Variants in PTPRZ1 observed in about 807,000 individuals in gnomAD.
PTPRZ1 encodes the protein receptor-type tyrosine-protein phosphatase zeta.
Under a neutral mutation model 214.1 loss-of-function variants are expected in PTPRZ1, and 82 were observed. The ratio of observed to expected loss-of-function variants is 0.38; its 90% CI spans 0.32 to 0.46. The LOEUF (loss-of-function observed/expected upper bound fraction) is 0.46, where lower values mean the gene tolerates loss of function less well. Ranked by LOEUF, PTPRZ1 falls within the 20% of genes least tolerant of loss-of-function variation. The pLI is 1.00. For missense variants in PTPRZ1, 2,603 were observed against 2,748.7 expected (o/e 0.95, Z 1.19); for synonymous variants, 945 against 987.9 (o/e 0.96, Z 0.81).
chr7:121,954,088 CTA>C (rs1054585233), intron 2 of PTPRZ1, among the ~76,000 whole-genome samples: 3 of 152,154 alleles, frequency 2.0e-5, no homozygotes, highest in African/African-American at 7.2e-5. Context: ...TTTCTCAAAT[CTA>C]TCTTTCTTCT....
chr7:121,976,702 G>A (rs528285936), intron 5 of PTPRZ1, 83 bp from the exon 6 acceptor site: 519 of 1,099,662 alleles, frequency 4.7e-4, no homozygotes, highest in Non-Finnish European at 6.1e-4. Flanking sequence ...TATTTAAAAT[G>A]GAATTCATTA....
chr7:122,001,758 CAT>C (rs1313555094), intron 10 of PTPRZ1, among the ~76,000 whole-genome samples: 1 of 152,128 alleles, frequency 6.6e-6, no homozygotes, highest in African/African-American at 2.4e-5. Flanking sequence ...TTTAACATTA[CAT>C]GTGTCCCAAA....
intron 2 of PTPRZ1, among the ~76,000 whole-genome samples, chr7:121,954,102 A>G (rs1313182062): frequency 6.6e-6 from 1 of 152,176 alleles, no homozygotes; most frequent in Non-Finnish European, 1.5e-5. Flanking sequence ...CTTTCTTCTT[A>G]TCTCTGCCCT....
Position 122,035,065 on chromosome 7 carries a change from C to T in PTPRZ1, c.5284+687C>T, listed in dbSNP as rs527636835. On this transcript the variant is annotated intron_variant, in intron 17 of 29. Transcript: ENST00000393386. ...TCTCCTAAAATTCATCTTCGTGCTC[C>T]CTCCCCACTCCAAAAACAAACAAAC... is the stretch of plus-strand genomic sequence containing the variant. Among the ~76,000 whole-genome samples, 3 of 152,066 alleles carry T rather than the reference C, an allele frequency of 2.0e-5. No individual in the cohort carries two copies. The South Asian group carries it at 6.2e-4, about 32-fold the overall frequency.
At chr7:122,018,559 A>C (rs1798915559) in intron 12 of PTPRZ1, among the ~76,000 whole-genome samples, 1 of 151,994 alleles carries the variant, frequency 6.6e-6, no homozygotes, top group South Asian at 2.1e-4. Context: ...AAGAACATTC[A>C]AAATAACATT....
intron 8 of PTPRZ1, among the ~76,000 whole-genome samples, chr7:121,992,032 A>C (rs1354951993): frequency 6.6e-6 from 1 of 152,212 alleles, no homozygotes; most frequent in Non-Finnish European, 1.5e-5. Flanking sequence ...TGTATTTACG[A>C]AGCACTTTTG....
chr7:121,971,017 A>G (rs574848995), intron 3 of PTPRZ1, among the ~76,000 whole-genome samples: 1 of 152,312 alleles, frequency 6.6e-6, no homozygotes, highest in African/African-American at 2.4e-5. Context: ...AGCTTTCTAC[A>G]TATGGCTAGC....
In PTPRZ1 at chr7:122,011,876, T is replaced by C. The variant is rs574865928; in HGVS notation, c.2830T>C (p.Tyr944His). Residue 944 changes from tyrosine to histidine, a missense_variant, in exon 12 of 30, where the codon TAC becomes CAC. By Grantham distance (83) the Tyr-to-His change is moderately conservative. Transcript: ENST00000393386. ...CTCCCAACACATCTTCACTGTTTCT[T>C]ACAGTTCTGCAATACCTGTGCATGA... ...EGSQHIFTVS[Y>H]SSAIPVHDSV... 59 of 1,614,102 alleles carry C rather than the reference T, an allele frequency of 3.7e-5. No homozygotes were observed. The South Asian group carries it at 5.4e-4, about 15-fold the overall frequency.
At chr7:121,901,575 A>G (rs540443704) in intron 1 of PTPRZ1, among the ~76,000 whole-genome samples, 2 of 152,298 alleles carry the variant, frequency 1.3e-5, no homozygotes, top group Middle Eastern at 3.4e-3. Flanking sequence ...TTGATATTTT[A>G]TTACAGATTA....
In PTPRZ1 at chr7:121,984,073, A is replaced by G. The variant is rs761363521; in HGVS notation, c.884A>G (p.Gln295Arg). 3 of 1,613,668 alleles carry G rather than the reference A, an allele frequency of 1.9e-6. No homozygotes were observed. The highest frequency in any genetic ancestry group is 1.7e-4 in the Middle Eastern group (1 of 6,058). The part of the protein sequence containing the change: ...FREQQYKFSR[Q>R]VFSSYTGKEE... ...GAGCAACAGTACAAGTTCTCTAGACAGGTGTTTTCCTCATACACTGGAAAG... is the reference window on the plus strand; with the variant it reads ...GAGCAACAGTACAAGTTCTCTAGACGGGTGTTTTCCTCATACACTGGAAAG... The change falls in exon 8 of 30, where the codon CAG (glutamine) becomes CGG (arginine). Residue 295 changes from glutamine (Q) to arginine (R), a missense_variant. This residue lies in a region of PTPRZ1 where 244 missense variants were observed against 333.2 expected (regional missense o/e 0.73). Coordinates refer to ENST00000393386, the MANE Select transcript of PTPRZ1 (RefSeq NM_002851.3).
At chr7:121,972,162 T>TC (rs372574321) in intron 3 of PTPRZ1, among the ~76,000 whole-genome samples, 1,222 of 43,408 alleles carry the variant, frequency 0.028, 30 homozygotes, top group Non-Finnish European at 0.015. Flanking sequence ...AGAAGACTTA[T>TC]TTTTTTTTTT....
In PTPRZ1 at chr7:122,014,165, T is replaced by C. The variant is rs976881446; in HGVS notation, c.4843+276T>C. ...ATATTTCATACTCTACAGGATGTCTTTTATGGGTGGGGGCAATTCTGTTTG... is the reference window on the plus strand; with the variant it reads ...ATATTTCATACTCTACAGGATGTCTCTTATGGGTGGGGGCAATTCTGTTTG... On this transcript the variant is annotated intron_variant, in intron 12 of 29. Transcript: ENST00000393386. 3.3e-5 allele frequency among the ~76,000 whole-genome samples: 5 copies of C among 152,154 alleles called. No individual in the cohort carries two copies. In the East Asian group the frequency reaches 7.7e-4, roughly 23 times the overall value.
At chr7:122,043,500 A>G (rs1397539379) in intron 22 of PTPRZ1, among the ~76,000 whole-genome samples, 2 of 152,218 alleles carry the variant, frequency 1.3e-5, no homozygotes, top group Non-Finnish European at 2.9e-5. Flanking sequence ...GCAAATCTGC[A>G]TTTTATCTTC....
At chr7:121,903,966 T>TCTCACA (rs1554427276) in intron 1 of PTPRZ1, among the ~76,000 whole-genome samples, 2 of 123,846 alleles carry the variant, frequency 1.6e-5, no homozygotes, top group Admixed American at 7.7e-5. Flanking sequence ...TCTTTAAATC[T>TCTCACA]CACACACACA....
At chr7:121,979,735 A>G (rs960539820) in intron 6 of PTPRZ1, among the ~76,000 whole-genome samples, 5 of 152,240 alleles carry the variant, frequency 3.3e-5, no homozygotes, top group Non-Finnish European at 7.3e-5. Flanking sequence ...CCCCAAATAG[A>G]GCAGCACTGG....
chr7:122,024,312 T>C (rs1211649940), intron 13 of PTPRZ1, among the ~76,000 whole-genome samples: 1 of 151,914 alleles, frequency 6.6e-6, no homozygotes, highest in Non-Finnish European at 1.5e-5. Flanking sequence ...ACCAAAGGTA[T>C]ACCCAACCAA....
intron 27 of PTPRZ1, among the ~76,000 whole-genome samples, chr7:122,057,347 T>C (rs1053431678): frequency 6.6e-5 from 10 of 151,906 alleles, no homozygotes; most frequent in Non-Finnish European, 1.5e-4. Context: ...AAATGAAGTT[T>C]TCAACATAAC....
At chr7:121,919,725 T>C (rs995560495) in intron 1 of PTPRZ1, among the ~76,000 whole-genome samples, 20 of 152,140 alleles carry the variant, frequency 1.3e-4, no homozygotes, top group African/African-American at 4.6e-4. Flanking sequence ...CCTTATCTAA[T>C]TGTGATGTTT....
chr7:121,928,507 T>G (rs2116373784), intron 2 of PTPRZ1, among the ~76,000 whole-genome samples: 1 of 152,284 alleles, frequency 6.6e-6, no homozygotes, highest in East Asian at 1.9e-4. Flanking sequence ...GGGCTCTGTT[T>G]TTTTCAACGG....
Sources: allele counts gnomAD v4.1 joint callset (sites outside exome capture counted in the v4.1 genomes callset), GRCh38; gene constraint gnomAD v4.1.1; regional missense constraint gnomAD v4.1.1; transcripts MANE v1.5; gene names NCBI Gene and HGNC (gene_info 2026-07-23, HGNC 2026-07-21).